YWHAH: variants seen among roughly 807,000 people sequenced by gnomAD.
YWHAH encodes the protein 14-3-3 protein eta.
In YWHAH, 6 loss-of-function variants were observed where a neutral mutation model predicts 22.9. The observed-to-expected ratio is 0.26, with a 90% CI of 0.14 to 0.52. YWHAH has a LOEUF of 0.52. Among genes scored for constraint, YWHAH ranks in the 20% least tolerant of loss-of-function variants. The pLI is 0.97. For synonymous variants in YWHAH, 135 were observed against 124.5 expected (o/e 1.08, Z -0.56); for missense variants, 173 against 308.6 (o/e 0.56, Z 3.29).
intron 1 of YWHAH, chr22:31,945,232 C>A (rs1484965372): frequency 1.3e-5 from 15 of 1,143,246 alleles, no homozygotes; most frequent in Non-Finnish European, 1.6e-5. Flanking sequence ...TAAAGAATCA[C>A]CTAGTAAGTG....
chr22:31,949,066 T>A (rs1182409153), intron 1 of YWHAH, among the ~76,000 whole-genome samples: 1 of 152,080 alleles, frequency 6.6e-6, no homozygotes, highest in Admixed American at 6.5e-5. Context: ...AAATACGGTT[T>A]CGGAGAGGGT....
intron 1 of YWHAH, chr22:31,950,228 C>G (rs1324732601): frequency 5.9e-6 from 4 of 682,792 alleles, no homozygotes; most frequent in Non-Finnish European, 1.1e-5. Context: ...CCAGTTGTTT[C>G]TCCATATTGC....
intron 1 of YWHAH, among the ~76,000 whole-genome samples, chr22:31,949,881 A>G (rs936340553): frequency 6.6e-6 from 1 of 152,182 alleles, no homozygotes; most frequent in African/African-American, 2.4e-5. Context: ...CATTGTCAGC[A>G]CTGGTGACTG....
intron 1 of YWHAH, chr22:31,945,378 T>A: frequency 7.8e-7 from 1 of 1,286,690 alleles, no homozygotes; most frequent in Non-Finnish European, 1.0e-6. Context: ...AAGACCCCTT[T>A]CCTGCAGTCT....
chr22:31,948,069 C>CT (rs113807895), intron 1 of YWHAH, among the ~76,000 whole-genome samples: 5 of 150,170 alleles, frequency 3.3e-5, no homozygotes, highest in East Asian at 1.9e-4. Flanking sequence ...ATATAGAAAT[C>CT]TTTTTTTTTT....
intron 1 of YWHAH, chr22:31,945,359 T>G (rs2093832454): frequency 3.2e-6 from 4 of 1,266,380 alleles, no homozygotes; most frequent in Non-Finnish European, 2.1e-6. Context: ...GGGTCTGGCT[T>G]TGTGTGCGAA....
chr22:31,952,745 C>G (rs1011726205), intron 1 of YWHAH, among the ~76,000 whole-genome samples: 3 of 152,196 alleles, frequency 2.0e-5, no homozygotes, highest in African/African-American at 7.2e-5. Context: ...ATCATAAATA[C>G]TGCCCAGTAG....
chr22:31,957,589 G>A lies in YWHAH; in HGVS notation c.*797G>A, dbSNP rs944479047. Reference sequence around the variant, plus strand: ...GGAATTCAATGGGTAAATAAATGCTGCTTTGGGGATATTATCTCTGTTTGG... The same window carrying A: ...GGAATTCAATGGGTAAATAAATGCTACTTTGGGGATATTATCTCTGTTTGG... On this transcript the variant is annotated 3_prime_UTR_variant, in exon 2 of 2. Coordinates refer to ENST00000248975, the MANE Select transcript of YWHAH (RefSeq NM_003405.4). 1.3e-5 allele frequency: 2 copies of A among 152,568 alleles called. No homozygotes were observed. The highest frequency in any genetic ancestry group is 4.8e-5 in the African/African-American group (2 of 41,418). The allele number at this position is 152,568 out of a possible 1,614,324, so 9.5% of individuals were successfully genotyped here. A position where few individuals can be genotyped will look rare whatever the true frequency, so the allele number is the denominator to read the frequency against.
chr22:31,951,666 A>T (rs1394880979), intron 1 of YWHAH, among the ~76,000 whole-genome samples: 1 of 152,110 alleles, frequency 6.6e-6, no homozygotes, highest in Non-Finnish European at 1.5e-5. Context: ...GTGTCATAGG[A>T]AGATAAGTGA....
intron 1 of YWHAH, among the ~76,000 whole-genome samples, chr22:31,949,059 T>TA (rs1316662568): frequency 1.3e-5 from 2 of 152,056 alleles, no homozygotes; most frequent in African/African-American, 4.8e-5. Context: ...TTTCCAGAAA[T>TA]ACGGTTTCGG....
intron 1 of YWHAH, among the ~76,000 whole-genome samples, chr22:31,950,076 C>CTTTTTTTTT (rs557406783): frequency 1.4e-4 from 6 of 42,192 alleles, no homozygotes; most frequent in East Asian, 1.2e-3. Flanking sequence ...GCTTGGAGGC[C>CTTTTTTTTT]TTTTTTTTTT....
intron 1 of YWHAH, among the ~76,000 whole-genome samples, chr22:31,955,530 A>G (rs146392715): frequency 4.0e-5 from 6 of 149,608 alleles, no homozygotes; most frequent in Non-Finnish European, 7.4e-5. Flanking sequence ...GCTCACTGCA[A>G]CCTCCGGGTT....
At chr22:31,945,496 C>G in intron 1 of YWHAH, 9 of 1,304,106 alleles carry the variant, frequency 6.9e-6, no homozygotes, top group Non-Finnish European at 9.1e-6. Flanking sequence ...AACGTGACTT[C>G]TAGGTGAGAC....
At chr22:31,945,306 T>C in intron 1 of YWHAH, 5 of 1,206,234 alleles carry the variant, frequency 4.1e-6, no homozygotes, top group African/African-American at 1.6e-5. Context: ...TCTGTTTTGC[T>C]CTGCTCGTTC....
chr22:31,956,941 A>C lies in YWHAH; in HGVS notation c.*149A>C. On this transcript the variant is annotated 3_prime_UTR_variant, in exon 2 of 2. Transcript: ENST00000248975. This position sits in a 1 kb window ranked among gnomAD's most constrained non-coding sequence, Gnocchi z 5.1. ...TCTGCACTCCTGTCTCTTGGGAAGC[A>C]GTTTCAGATAAATCATGGGCATTGC... The C allele has an allele frequency of 9.6e-7, 1 of 1,037,616 alleles. No homozygotes were observed. The highest frequency in any genetic ancestry group is 1.4e-6 in the Non-Finnish European group (1 of 736,416). 64.3% of individuals were successfully genotyped at this position (1,037,616 alleles called of 1,614,324 possible).
chr22:31,949,903 C>A (rs1339866441), intron 1 of YWHAH, among the ~76,000 whole-genome samples: 1 of 151,990 alleles, frequency 6.6e-6, no homozygotes, highest in African/African-American at 2.4e-5. Context: ...AATCCAAGAA[C>A]TCTTCATAAG....
chr22:31,956,013 C>A lies in YWHAH; in HGVS notation c.88-126C>A. 1 of 1,127,532 alleles carries A rather than the reference C, an allele frequency of 8.9e-7. No individual in the cohort carries two copies. The highest frequency in any genetic ancestry group is 1.3e-6 in the Non-Finnish European group (1 of 799,484). The allele number at this position is 1,127,532 out of a possible 1,614,324, so 69.8% of individuals were successfully genotyped here. On this transcript the variant is annotated intron_variant, in intron 1 of 1. Coordinates refer to ENST00000248975, the MANE Select transcript of YWHAH (RefSeq NM_003405.4). The surrounding 1 kb of genome is among the most constrained non-coding windows in gnomAD (Gnocchi z 5.1). Reference sequence around the variant, plus strand: ...GTTTTATCCATGGGTGGTTTTTATTCTCCAGAGTGACTGACCTGTTCGTAA... The same window carrying A: ...GTTTTATCCATGGGTGGTTTTTATTATCCAGAGTGACTGACCTGTTCGTAA...
Position 31,956,282 on chromosome 22 carries a change from G to A in YWHAH, c.231G>A (p.Lys77=), listed in dbSNP as rs1464280053. The change falls in exon 2 of 2, where the codon AAG becomes AAA. Residue 77 remains lysine, a synonymous_variant. Transcript: ENST00000248975. This position sits in a 1 kb window ranked among gnomAD's most constrained non-coding sequence, Gnocchi z 5.1. ...EQKTMADGNE[K]KLEKVKAYRE... ...AAACCATGGCTGATGGAAACGAAAAGAAATTGGAGAAAGTTAAAGCTTACC... is the reference window on the plus strand; with the variant it reads ...AAACCATGGCTGATGGAAACGAAAAAAAATTGGAGAAAGTTAAAGCTTACC... 2.5e-6 allele frequency: 4 copies of A among 1,614,064 alleles called. No individual in the cohort carries two copies. The highest frequency in any genetic ancestry group is 1.7e-5 in the Admixed American group (1 of 59,996).
intron 1 of YWHAH, among the ~76,000 whole-genome samples, chr22:31,951,991 C>G (rs1209681483): frequency 6.6e-5 from 10 of 152,004 alleles, no homozygotes; most frequent in Admixed American, 5.9e-4. Flanking sequence ...TGGCGAAACC[C>G]CTGGTTTGTG....
Sources: allele counts gnomAD v4.1 joint callset (sites outside exome capture counted in the v4.1 genomes callset), GRCh38; gene constraint gnomAD v4.1.1; non-coding constraint Gnocchi (gnomAD v3.1); transcripts MANE v1.5; gene names NCBI Gene and HGNC (gene_info 2026-07-23, HGNC 2026-07-21).